The following LBHD1 variants were observed in gnomAD, a reference collection of about 807,000 sequenced individuals.
The protein encoded by LBHD1 is LBH domain-containing protein 1.
A neutral mutation model predicts 31.1 loss-of-function variants in LBHD1; 28 were observed. The observed-to-expected ratio is 0.90, with a 90% confidence interval of 0.67 to 1.24. LBHD1 has a LOEUF of 1.24. Among genes scored for constraint, LBHD1 ranks in the 50% most tolerant of loss-of-function variants. LBHD1 has a pLI of 0.00. For synonymous variants in LBHD1, 105 were observed against 116.5 expected, an observed-to-expected ratio of 0.90 and a Z score of 0.63; for missense variants, 350 against 323.0, an observed-to-expected ratio of 1.08 and a Z score of -0.64.
chr11:62,663,857 G>A (rs1182646808), intron 5 of LBHD1, among the ~76,000 whole-genome samples: 2 of 151,612 alleles, frequency 1.3e-5, no homozygotes, highest in Non-Finnish European at 2.9e-5. Flanking sequence ...CGGATCACCT[G>A]AGGTCAGGAG....
intron 4 of LBHD1, chr11:62,667,065 G>A: frequency 6.4e-7 from 1 of 1,558,794 alleles, no homozygotes; most frequent in Admixed American, 2.0e-5. Context: ...CATTTTAGTA[G>A]TCCTGACCCT....
At chr11:62,665,285 A>G (rs1811826089) in intron 4 of LBHD1, 1 of 724,282 alleles carries the variant, frequency 1.4e-6, no homozygotes, top group Non-Finnish European at 2.4e-6. Context: ...CTCGGGCTAT[A>G]TAAAGGAGCT....
intron 4 of LBHD1, 160 bp from the exon 5 acceptor site, chr11:62,665,133 T>C: frequency 9.2e-7 from 1 of 1,088,886 alleles, no homozygotes; most frequent in South Asian, 1.3e-5. Flanking sequence ...ACAGTCACCG[T>C]TCGGGGCCGG....
chr11:62,666,935 G>A (rs1005090602), intron 4 of LBHD1: 1 of 1,614,150 alleles, frequency 6.2e-7, no homozygotes, highest in Non-Finnish European at 8.5e-7. Context: ...TGAGGACCCT[G>A]ATGTGCGACT....
At chr11:62,665,955 G>A (rs771887717) in intron 4 of LBHD1, 3 of 1,602,782 alleles carry the variant, frequency 1.9e-6, no homozygotes, top group South Asian at 2.2e-5. Flanking sequence ...GGGTAGGGAG[G>A]TGGGGGCAGA....
In LBHD1 at chr11:62,667,592, T is replaced by C. The variant is rs370296386; in HGVS notation, c.469A>G (p.Thr157Ala). Reference sequence around the variant, plus strand: ...CCACTTCTACAAACACGGGAGCCTGTTGAGTCCCAGAAGGGACAGTGGTTG... The same window carrying C: ...CCACTTCTACAAACACGGGAGCCTGCTGAGTCCCAGAAGGGACAGTGGTTG... ...ATNHCPFWDS[T>A]GSRVCRSGFV... Residue 157 changes from threonine (T) to alanine (A), a missense_variant, in exon 4 of 7, where the codon ACA (threonine) becomes GCA (alanine). Thr to Ala is a moderately conservative substitution (Grantham distance 58). Transcript: ENST00000354588. 4.3e-6 allele frequency: 7 copies of C among 1,614,002 alleles called. No individual in the cohort carries two copies. Among genetic ancestry groups the C allele is most frequent in the South Asian group, 3.3e-5 (3 of 91,082 alleles).
At chr11:62,671,159 C>A in intron 1 of LBHD1, 1 of 365,100 alleles carries the variant, frequency 2.7e-6, no homozygotes, top group Non-Finnish European at 5.5e-6. Context: ...AAAAAAAACC[C>A]AAACAATACC....
At chr11:62,666,649 CTT>C (rs753016276) in intron 4 of LBHD1, 2 of 1,614,146 alleles carry the variant, frequency 1.2e-6, no homozygotes, top group Admixed American at 3.3e-5. Context: ...TGGGGGTGGA[CTT>C]TTCTCCTGTG....
intron 4 of LBHD1, chr11:62,665,598 C>G: frequency 6.4e-7 from 1 of 1,565,870 alleles, no homozygotes; most frequent in Non-Finnish European, 8.6e-7. Flanking sequence ...CAACCGAGAT[C>G]CAGCTGGCTC....
chr11:62,665,024 G>T, intron 4 of LBHD1, 51 bp from the exon 5 acceptor site: 1 of 1,600,616 alleles, frequency 6.2e-7, no homozygotes, highest in Non-Finnish European at 8.5e-7. Context: ...CCGCGACCCG[G>T]GGCCCCTCCA....
chr11:62,665,304 C>G (rs1011805368), intron 4 of LBHD1: 8 of 712,516 alleles, frequency 1.1e-5, no homozygotes, highest in African/African-American at 1.1e-4. Context: ...CTCCGCGGTG[C>G]GGGAGGCCTT....
Position 62,671,895 on chromosome 11 carries a change from G to A in LBHD1, c.-342C>T, listed in dbSNP as rs763832239. 3 of 1,613,446 alleles carry A rather than the reference G, an allele frequency of 1.9e-6. No homozygotes were observed. The highest frequency in any genetic ancestry group is 2.2e-5 in the South Asian group (2 of 91,072). Reference sequence around the variant, plus strand: ...AAGCAACTGGTAGTCCCGAGGAAGGGTGGGCGGGTGGAGAGCCCCGGACTG... The same window carrying A: ...AAGCAACTGGTAGTCCCGAGGAAGGATGGGCGGGTGGAGAGCCCCGGACTG... On this transcript the variant is annotated 5_prime_UTR_variant, in exon 1 of 7. Transcript: ENST00000354588.
intron 4 of LBHD1, chr11:62,665,254 A>G: frequency 1.3e-6 from 1 of 753,280 alleles, no homozygotes; most frequent in Non-Finnish European, 2.3e-6. Context: ...CCGCGGGCCA[A>G]TCGCAACTCG....
At chr11:62,666,172 AC>A in intron 4 of LBHD1, 1 of 699,232 alleles carries the variant, frequency 1.4e-6, no homozygotes, top group Non-Finnish European at 2.4e-6. Flanking sequence ...ACATAGCGAG[AC>A]CCTGTCTACA....
At chr11:62,663,931 G>A (rs1464941803) in intron 5 of LBHD1, among the ~76,000 whole-genome samples, 6 of 150,260 alleles carry the variant, frequency 4.0e-5, no homozygotes, top group Admixed American at 2.7e-4. Flanking sequence ...AAATTAGCCG[G>A]GTGCAGTGGG....
chr11:62,662,822 G>A lies in LBHD1; in HGVS notation c.*307C>T. Reference sequence around the variant, plus strand: ...TACATTTAATCACACACATCTCAGAGTGCTAGGGCTTTATTACAAATGGAG... The same window carrying A: ...TACATTTAATCACACACATCTCAGAATGCTAGGGCTTTATTACAAATGGAG... On this transcript the variant is annotated 3_prime_UTR_variant, in exon 7 of 7. Transcript: ENST00000354588. 3 of 548,428 alleles carry A rather than the reference G, an allele frequency of 5.5e-6. No homozygotes were observed. In the South Asian group the frequency reaches 7.2e-5, roughly 13 times the overall value. 34.0% of individuals were successfully genotyped at this position (548,428 alleles called of 1,614,324 possible). A position where few individuals can be genotyped will look rare whatever the true frequency, so the allele number is the denominator to read the frequency against.
At chr11:62,667,930 T>C (rs1406150411) in intron 3 of LBHD1, 183 bp from the exon 4 acceptor site, 3 of 538,070 alleles carry the variant, frequency 5.6e-6, no homozygotes, top group East Asian at 3.1e-5. Context: ...GAGCCCGGGA[T>C]AGTGGCACAG....
Position 62,670,012 on chromosome 11 carries a change from C to T in LBHD1, c.20G>A (p.Arg7Lys), listed in dbSNP as rs1420653219. The change falls in exon 2 of 7, where the codon AGA becomes AAA. Residue 7 changes from arginine to lysine, a missense_variant. By Grantham distance (26) the Arg-to-Lys change is conservative. Transcript: ENST00000354588. MALVPG[R>K]SKEDGLWTRN... ...AGTCCAAAGCCCATCCTCCTTGCTT[C>T]TCCCTGGCACAAGGGCCATGGTGGT... is the stretch of plus-strand genomic sequence containing the variant. 15 of 1,612,322 alleles carry T rather than the reference C, an allele frequency of 9.3e-6. No homozygotes were observed. The highest frequency in any genetic ancestry group is 1.3e-5 in the Non-Finnish European group (15 of 1,179,192).
At chr11:62,664,280 T>A (rs1253001659) in intron 5 of LBHD1, among the ~76,000 whole-genome samples, 1 of 151,554 alleles carries the variant, frequency 6.6e-6, no homozygotes, top group East Asian at 1.9e-4. Context: ...TGTGTGAATG[T>A]ATAACATTAC....
Sources: allele counts gnomAD v4.1 joint callset (sites outside exome capture counted in the v4.1 genomes callset), GRCh38; gene constraint gnomAD v4.1.1; transcripts MANE v1.5; gene names NCBI Gene and HGNC (gene_info 2026-07-23, HGNC 2026-07-21).